Variants in UVSSA observed in about 807,000 individuals in gnomAD.
The protein encoded by UVSSA is UV-stimulated scaffold protein A.
Under a neutral mutation model 73.9 loss-of-function variants are expected in UVSSA, and 72 were observed. The ratio of observed to expected loss-of-function variants is 0.97; its 90% CI spans 0.81 to 1.19. The LOEUF (loss-of-function observed/expected upper bound fraction) is 1.19, where lower values mean the gene tolerates loss of function less well. Among genes scored for constraint, UVSSA ranks in the 50% most tolerant of loss-of-function variants. The pLI, the probability that UVSSA is intolerant of heterozygous loss-of-function variation, is 0.00. For missense variants in UVSSA, 1,150 were observed against 965.0 expected, an observed-to-expected ratio of 1.19 and a Z score of -2.54; for synonymous variants, 454 against 391.3, an observed-to-expected ratio of 1.16 and a Z score of -1.89.
chr4:1,380,570 C>A (rs977866982), intron 11 of UVSSA: 3 of 1,330,718 alleles, frequency 2.3e-6, no homozygotes, highest in South Asian at 1.4e-5. Flanking sequence ...GGGGCCAGGG[C>A]AGCTCCCAGC....
At chr4:1,360,591 G>A (rs1298312271) in intron 7 of UVSSA, among the ~76,000 whole-genome samples, 1 of 152,220 alleles carries the variant, frequency 6.6e-6, no homozygotes, top group Admixed American at 6.5e-5. Flanking sequence ...GCTTCCCAGA[G>A]GCTGGCGTTC....
In UVSSA at chr4:1,386,005, G is replaced by A; in HGVS notation, c.*44G>A. On this transcript the variant is annotated 3_prime_UTR_variant, in exon 14 of 14. Coordinates refer to ENST00000389851, the MANE Select transcript of UVSSA (RefSeq NM_020894.4). The stretch of plus-strand genomic sequence containing the variant: ...CTGGCCATCAGCACTTTCTCCCTCT[G>A]CCAGTGTCTCAGGACAGCAGAGTGG... 6.2e-7 allele frequency: 1 copy of A among 1,601,952 alleles called. No homozygotes were observed. Among genetic ancestry groups the A allele is most frequent in the Non-Finnish European group, 8.6e-7 (1 of 1,169,406 alleles).
At chr4:1,353,999 G>C (rs1385777592) in intron 5 of UVSSA, among the ~76,000 whole-genome samples, 1 of 152,244 alleles carries the variant, frequency 6.6e-6, no homozygotes, top group South Asian at 2.1e-4. Flanking sequence ...TGGGGTGTGA[G>C]TGGAGGCTGG....
intron 7 of UVSSA, among the ~76,000 whole-genome samples, chr4:1,363,212 A>G (rs1716886312): frequency 6.6e-6 from 1 of 152,126 alleles, no homozygotes; most frequent in African/African-American, 2.4e-5. Context: ...TCAGAGGTGA[A>G]GGGAGAGCCA....
chr4:1,369,315 G>A (rs995312714), intron 8 of UVSSA, among the ~76,000 whole-genome samples: 11 of 152,220 alleles, frequency 7.2e-5, no homozygotes, highest in Admixed American at 1.3e-4. Flanking sequence ...TCTGGGGTGC[G>A]CAGGGAGGAC....
chr4:1,381,333 T>C (rs1429263985), intron 12 of UVSSA, among the ~76,000 whole-genome samples: 1 of 152,216 alleles, frequency 6.6e-6, no homozygotes, highest in Non-Finnish European at 1.5e-5. Flanking sequence ...GCGAGAGAAG[T>C]GATTGGGCTG....
At chr4:1,388,154 CAT>C (rs899264700), downstream of UVSSA, 19 of 152,208 alleles carry the variant, frequency 1.2e-4, no homozygotes, top group Non-Finnish European at 2.2e-4. Flanking sequence ...TAAATTTACT[CAT>C]ATTTTATTAT....
At chr4:1,345,594 G>A (rs1287847947), upstream of UVSSA, among the ~76,000 whole-genome samples, 1 of 141,244 alleles carries the variant, frequency 7.1e-6, no homozygotes, top group Admixed American at 7.4e-5. Context: ...GCAGTGAACC[G>A]CGATCGTGCC....
rs925958883 is a variant in UVSSA at position 1,375,980 on chromosome 4, T to C, written c.1434-54T>C. The C allele has an allele frequency of 6.1e-5, 95 of 1,554,560 alleles. 2 individuals are homozygous for C. The East Asian group carries it at 7.0e-4, about 12-fold the overall frequency. Reference sequence around the variant, plus strand: ...GTGGGGGTGGGGAGGGAGAGGAGGGTGGCTGTGGGTGGCACCAGCAGCACC... The same window carrying C: ...GTGGGGGTGGGGAGGGAGAGGAGGGCGGCTGTGGGTGGCACCAGCAGCACC... On this transcript the variant is annotated intron_variant, in intron 9 of 13. Coordinates refer to ENST00000389851, the MANE Select transcript of UVSSA (RefSeq NM_020894.4).
At chr4:1,366,171 T>C in intron 7 of UVSSA, 149 bp from the exon 8 acceptor site, 2 of 659,182 alleles carry the variant, frequency 3.0e-6, no homozygotes, top group Non-Finnish European at 5.4e-6. Context: ...GAGACGATCT[T>C]AAATGCAGTC....
Position 1,351,764 on chromosome 4 carries a change from A to G in UVSSA, c.479A>G (p.Glu160Gly), listed in dbSNP as rs760963274. 1.9e-6 allele frequency: 3 copies of G among 1,613,638 alleles called. No individual in the cohort carries two copies. The highest frequency in any genetic ancestry group is 1.1e-5 in the South Asian group (1 of 91,080). The change falls in exon 4 of 14, where the codon GAA (glutamate) becomes GGA (glycine). Residue 160 changes from glutamate (E) to glycine (G), a missense_variant. Glu to Gly is a moderately conservative substitution (Grantham distance 98). Coordinates refer to ENST00000389851, the MANE Select transcript of UVSSA (RefSeq NM_020894.4). ...NARSLAERKREEEKQKHLDKI... is the reference protein window; with the variant it reads ...NARSLAERKRGEEKQKHLDKI... ...CGGAGTCTGGCAGAAAGGAAGAGAG[A>G]AGAGGAGAAGCAGAAGCACTTGGAT...
chr4:1,353,650 C>T (rs73075573), intron 5 of UVSSA, among the ~76,000 whole-genome samples: 4,062 of 152,310 alleles, frequency 0.027, 214 homozygotes, highest in African/African-American at 0.091. Flanking sequence ...CAGCCCCCAC[C>T]TCAGTGAGGC....
chr4:1,352,203 T>C (rs968108339), intron 4 of UVSSA, among the ~76,000 whole-genome samples: 2 of 152,216 alleles, frequency 1.3e-5, no homozygotes, highest in Non-Finnish European at 1.5e-5. Flanking sequence ...AAAACTTCAC[T>C]GTTTGCTTCT....
At chr4:1,347,948 G>T in intron 1 of UVSSA, 142 bp from the exon 2 acceptor site, 1 of 684,438 alleles carries the variant, frequency 1.5e-6, no homozygotes, top group Non-Finnish European at 2.6e-6. Flanking sequence ...ATATTTCCCA[G>T]AGAGGCACCC....
Position 1,352,998 on chromosome 4 carries a change from C to T in UVSSA, c.551-32C>T, listed in dbSNP as rs150061207. ...GGGCTGGTGCTTTTGCTCCACATAG[C>T]GCAGCAAACAGGTGTCTTGATCTTC... is the stretch of plus-strand genomic sequence containing the variant. On this transcript the variant is annotated intron_variant, in intron 4 of 13. Transcript: ENST00000389851. 1.2e-4 allele frequency: 184 copies of T among 1,583,372 alleles called. No individual in the cohort carries two copies. The East Asian group carries it at 1.2e-3, about 10-fold the overall frequency.
At position 1,348,162 on chromosome 4, in the gene UVSSA, AAATG is replaced by A. The variant is rs1490012462; in HGVS notation, c.74_77del (p.Met25ArgfsTer3). On this transcript the variant is annotated frameshift_variant, in exon 2 of 14. Transcript: ENST00000389851. LOFTEE classifies it high-confidence loss of function. ...GGAGAACCCCGACTAAATCCTGAGA[AAATG>A]AAGGAACTGAAGAAAATTTGCAAGT... 5 of 1,613,968 alleles carry A rather than the reference AAATG, an allele frequency of 3.1e-6. No individual in the cohort carries two copies. Among genetic ancestry groups the A allele is most frequent in the East Asian group, 2.2e-5 (1 of 44,890 alleles).
At position 1,351,664 on chromosome 4, in the gene UVSSA, C is replaced by T. The variant is rs983751685; in HGVS notation, c.430-51C>T. The T allele has an allele frequency of 6.9e-6, 11 of 1,591,854 alleles. No individual in the cohort carries two copies. The Admixed American group carries it at 1.0e-4, about 15-fold the overall frequency. On this transcript the variant is annotated intron_variant, in intron 3 of 13. Transcript: ENST00000389851. ...TCAGCCTCCCAAAGTGCTGGGATTA[C>T]AGGCGTGAGCCACCGCGCCTGTCCC... is the stretch of plus-strand genomic sequence containing the variant.
chr4:1,355,291 T>C, intron 7 of UVSSA, 46 bp downstream of exon 7: 1 of 1,155,302 alleles, frequency 8.7e-7, no homozygotes, highest in Non-Finnish European at 1.2e-6. Flanking sequence ...GAGGCCTCAG[T>C]GGGGGAGGAG....
rs778613098 is a variant in UVSSA at position 1,353,053 on chromosome 4, T to C, written c.574T>C (p.Cys192Arg). The change falls in exon 5 of 14, where the codon TGC becomes CGC. Residue 192 changes from cysteine to arginine, a missense_variant. Transcript: ENST00000389851. ...AGAAATGTCTGGAGAAATTGAATCC[T>C]GCTTGACGGAGGTAGAGAGCTGCTT... is the stretch of plus-strand genomic sequence containing the variant. ...MQEMSGEIES[C>R]LTEVESCFRL... is the part of the protein sequence containing the mutation. 1 of 1,611,770 alleles carries C rather than the reference T, an allele frequency of 6.2e-7. No individual in the cohort carries two copies. Among genetic ancestry groups the C allele is most frequent in the African/African-American group, 1.3e-5 (1 of 74,920 alleles).
Sources: allele counts gnomAD v4.1 joint callset (sites outside exome capture counted in the v4.1 genomes callset), GRCh38; gene constraint gnomAD v4.1.1; transcripts MANE v1.5; gene names NCBI Gene and HGNC (gene_info 2026-07-23, HGNC 2026-07-21).